Variants in MYH9 observed in about 807,000 individuals in gnomAD.
MYH9 encodes myosin heavy chain 9.
In MYH9, 29 loss-of-function variants were observed where a neutral mutation model predicts 241.9. The ratio of observed to expected loss-of-function variants is 0.12; its 90% CI spans 0.09 to 0.16. MYH9 has a LOEUF of 0.16. MYH9 is among the 10% of genes least tolerant of loss of function. The pLI, the probability that MYH9 is intolerant of heterozygous loss-of-function variation, is 1.00. For synonymous variants in MYH9, 1,047 were observed against 1,062.6 expected (o/e 0.99, Z 0.29); for missense variants, 1,803 against 2,595.5 (o/e 0.69, Z 6.63).
chr22:36,353,102 C>CGTGTGTGTGTGTGTGT (rs71323001), intron 1 of MYH9, among the ~76,000 whole-genome samples: 20 of 142,976 alleles, frequency 1.4e-4, no homozygotes, highest in Middle Eastern at 3.5e-3. Flanking sequence ...CCTCTGGGGG[C>CGTGTGTGTGTGTGTGT]GTGTGTGTGT....
chr22:36,378,958 T>C (rs1048686500), intron 1 of MYH9, among the ~76,000 whole-genome samples: 6 of 152,104 alleles, frequency 3.9e-5, no homozygotes, highest in African/African-American at 1.4e-4. Context: ...GCAAATCGCT[T>C]TTTCTCTAAT....
intron 13 of MYH9, among the ~76,000 whole-genome samples, chr22:36,313,161 T>A: frequency 6.9e-6 from 1 of 144,994 alleles, no homozygotes; most frequent in African/African-American, 2.5e-5. Context: ...TTAACCATAA[T>A]CAAAAGAAAA....
At chr22:36,385,721 A>G (rs2018341504) in intron 1 of MYH9, among the ~76,000 whole-genome samples, 1 of 152,128 alleles carries the variant, frequency 6.6e-6, no homozygotes, top group Non-Finnish European at 1.5e-5. Flanking sequence ...GGCTCTGCCC[A>G]CCTGCGCTGC....
rs539808169 is a variant in MYH9 at position 36,330,878 on chromosome 22, C to T, written c.491-3390G>A. On this transcript the variant is annotated intron_variant, in intron 3 of 40. Transcript: ENST00000216181. This position sits in a 1 kb window ranked among gnomAD's most constrained non-coding sequence, Gnocchi z 4.5. Reference sequence around the variant, plus strand: ...GCCCCCTGCCAGATGAAAGTCTAGCCGTGGTAGGCGCCTGAACCCACTGCC... The same window carrying T: ...GCCCCCTGCCAGATGAAAGTCTAGCTGTGGTAGGCGCCTGAACCCACTGCC... Among the ~76,000 whole-genome samples, 9 of 152,158 alleles carry T rather than the reference C, an allele frequency of 5.9e-5. No individual in the cohort carries two copies. Among genetic ancestry groups the T allele is most frequent in the South Asian group, 2.1e-4 (1 of 4,820 alleles).
Position 36,294,251 on chromosome 22 carries a change from C to G in MYH9, c.3678G>C (p.Arg1226=). Reference sequence around the variant, plus strand: ...CCTTCACCTCGTTGGCCAGCTCCCCCCGCTCGTTCTCCAGAGTCTGCTTTG... The same window carrying G: ...CCTTCACCTCGTTGGCCAGCTCCCCGCGCTCGTTCTCCAGAGTCTGCTTTG... ...EKAKQTLENE[R]GELANEVKVL... Residue 1226 remains arginine, a synonymous_variant, in exon 28 of 41, where the codon CGG becomes CGC. Transcript: ENST00000216181. 6.2e-7 allele frequency: 1 copy of G among 1,614,164 alleles called. No homozygotes were observed. The highest frequency in any genetic ancestry group is 8.5e-7 in the Non-Finnish European group (1 of 1,180,044).
chr22:36,369,864 G>A (rs776176059), intron 1 of MYH9, among the ~76,000 whole-genome samples: 4 of 152,186 alleles, frequency 2.6e-5, no homozygotes, highest in Non-Finnish European at 5.9e-5. Context: ...GGCTAGTCAC[G>A]TAGGTTTTCT....
chr22:36,316,783 AGTAT>A, intron 11 of MYH9, 114 bp from the exon 12 acceptor site: 1 of 1,243,742 alleles, frequency 8.0e-7, no homozygotes, highest in South Asian at 1.3e-5. Context: ...AACAGCCCTA[AGTAT>A]GTGGGGGAAA....
chr22:36,327,762 C>A (rs1017945640), intron 3 of MYH9, among the ~76,000 whole-genome samples: 6 of 152,212 alleles, frequency 3.9e-5, no homozygotes, highest in Non-Finnish European at 8.8e-5. Context: ...TGTCTCCCAC[C>A]TTAGAGGAAC....
intron 14 of MYH9, among the ~76,000 whole-genome samples, chr22:36,310,306 A>G (rs1468672395): frequency 6.6e-6 from 1 of 151,072 alleles, no homozygotes; most frequent in Non-Finnish European, 1.5e-5. Flanking sequence ...GGGTCTCACT[A>G]TGTTGCCCAA....
intron 14 of MYH9, among the ~76,000 whole-genome samples, chr22:36,310,842 CG>C (rs1320929076): frequency 6.6e-6 from 1 of 152,216 alleles, no homozygotes; most frequent in Non-Finnish European, 1.5e-5. Context: ...CACTGATGAG[CG>C]TGTGCGTTTC....
chr22:36,286,960 T>C, intron 34 of MYH9, 114 bp from the exon 35 acceptor site: 2 of 1,489,908 alleles, frequency 1.3e-6, no homozygotes, highest in Non-Finnish European at 1.8e-6. Context: ...CAATGCTGTA[T>C]TTAACCAACT....
intron 13 of MYH9, among the ~76,000 whole-genome samples, chr22:36,313,603 T>C (rs532417059): frequency 6.6e-6 from 1 of 152,038 alleles, no homozygotes; most frequent in Admixed American, 6.5e-5. Context: ...TTGGAAAGGG[T>C]TCCTCTTTTC....
At chr22:36,381,693 C>T (rs1245977651) in intron 1 of MYH9, among the ~76,000 whole-genome samples, 1 of 152,092 alleles carries the variant, frequency 6.6e-6, no homozygotes, top group African/African-American at 2.4e-5. Flanking sequence ...CACTACTTTG[C>T]GTCTGGTGTT....
intron 1 of MYH9, among the ~76,000 whole-genome samples, chr22:36,353,643 T>TG (rs2017807692): frequency 1.3e-5 from 2 of 151,960 alleles, no homozygotes; most frequent in African/African-American, 2.4e-5. Context: ...CATGAGCCAC[T>TG]GTGCCCAGGT....
intron 3 of MYH9, among the ~76,000 whole-genome samples, chr22:36,333,631 C>T (rs1442545911): frequency 6.6e-6 from 1 of 152,226 alleles, no homozygotes; most frequent in East Asian, 1.9e-4. Flanking sequence ...AACTTTTATA[C>T]CTGCAGCTTT....
chr22:36,352,620 G>A (rs2017785265), intron 1 of MYH9, among the ~76,000 whole-genome samples: 1 of 152,220 alleles, frequency 6.6e-6, no homozygotes, highest in Admixed American at 6.5e-5. Context: ...ACCTCACCCT[G>A]TCCGACTTTC....
At position 36,296,901 on chromosome 22, in the gene MYH9, C is replaced by T. The variant is rs532156048; in HGVS notation, c.3214G>A (p.Ala1072Thr). The change falls in exon 25 of 41, where the codon GCG (alanine) becomes ACG (threonine). Residue 1072 changes from alanine (A) to threonine (T), a missense_variant. Physicochemically the swap from Ala to Thr is moderately conservative, Grantham distance 58. Transcript: ENST00000216181. Reference protein sequence around the residue: ...DQIAELQAQIAELKMQLAKKE... With the variant: ...DQIAELQAQITELKMQLAKKE... ...TTGGCCAGCTGCATCTTGAGCTCCG[C>T]GATCTGGGCCTGGAGCTCGGCGATC... is the stretch of plus-strand genomic sequence containing the variant. The T allele has an allele frequency of 2.9e-4, 467 of 1,613,786 alleles. 9 individuals carry two copies. In the South Asian group the frequency reaches 4.2e-3, roughly 15 times the overall value.
At position 36,300,041 on chromosome 22, in the gene MYH9, C is replaced by T. The variant is rs6000235; in HGVS notation, c.2976+86G>A. 0.041 allele frequency: 64,450 copies of T among 1,564,240 alleles called. 11,821 individuals are homozygous for T. In the African/African-American group the frequency reaches 0.55, roughly 13 times the overall value. On this transcript the variant is annotated intron_variant, in intron 23 of 40. Transcript: ENST00000216181. This position sits in a 1 kb window ranked among gnomAD's most constrained non-coding sequence, Gnocchi z 5.0. The stretch of plus-strand genomic sequence containing the variant: ...CAGAAGAGACAGGAAGCAGCAGCAG[C>T]GGGGAGCCAGGCCCTGCAAGGGTGA...
At chr22:36,301,969 T>C (rs1243120603) in intron 20 of MYH9, among the ~76,000 whole-genome samples, 1 of 152,106 alleles carries the variant, frequency 6.6e-6, no homozygotes, top group Non-Finnish European at 1.5e-5. Flanking sequence ...TAATGATGTG[T>C]TCCCTAGGGA....
Sources: allele counts gnomAD v4.1 joint callset (sites outside exome capture counted in the v4.1 genomes callset), GRCh38; gene constraint gnomAD v4.1.1; non-coding constraint Gnocchi (gnomAD v3.1); transcripts MANE v1.5; gene names NCBI Gene and HGNC (gene_info 2026-07-23, HGNC 2026-07-21).